The following ANHX variants were observed in gnomAD, a reference collection of about 807,000 sequenced individuals.
ANHX encodes the protein anomalous homeobox protein.
A neutral mutation model predicts 38.9 loss-of-function variants in ANHX; 20 were observed. That is an observed-to-expected ratio of 0.51 (90% confidence interval 0.36 to 0.75). The LOEUF is 0.75. Ranked by LOEUF, ANHX falls within the 30% of genes least tolerant of loss-of-function variation. The pLI is 0.00. For missense variants in ANHX, 475 were observed against 493.1 expected (o/e 0.96, Z 0.35); for synonymous variants, 185 against 203.1 (o/e 0.91, Z 0.76).
intron 7 of ANHX, among the ~76,000 whole-genome samples, chr12:133,222,710 C>G (rs1001477711): frequency 1.3e-5 from 2 of 152,170 alleles, no homozygotes; most frequent in Non-Finnish European, 2.9e-5. Context: ...TTCTTTCTGG[C>G]CCTGCATCAA....
Position 133,232,479 on chromosome 12 carries a change from C to T in ANHX, c.250-835G>A, listed in dbSNP as rs138299579. ...CTCGGCAGTGACCCCTCAGAGCCGA[C>T]GGCTCTGTGCCCCACTCTCCTCTCA... On this transcript the variant is annotated intron_variant, in intron 2 of 9. Transcript: ENST00000545940. Among the ~76,000 whole-genome samples the T allele has an allele frequency of 3.4e-3, 525 of 152,278 alleles. 1 individual carries two copies. The highest frequency in any genetic ancestry group is 0.011 in the African/African-American group (472 of 41,562).
intron 1 of ANHX, chr12:133,235,139 T>C (rs1593979860): frequency 6.6e-6 from 1 of 152,314 alleles, no homozygotes; most frequent in East Asian, 1.9e-4. Flanking sequence ...TCTAGCGCCA[T>C]CTCACCCGGG....
At position 133,227,937 on chromosome 12, in the gene ANHX, GC is replaced by G; in HGVS notation, c.387del (p.Ser132ProfsTer7). The G allele has an allele frequency of 1.8e-6, 1 of 545,688 alleles. No individual in the cohort carries two copies. The highest frequency in any genetic ancestry group is 2.4e-5 in the Admixed American group (1 of 41,884). 33.8% of individuals were successfully genotyped at this position (545,688 alleles called of 1,614,324 possible). A position where few individuals can be genotyped will look rare whatever the true frequency, so the allele number is the denominator to read the frequency against. ...QKFRCRKRNP[P>X]PPSLCPEGLK... is the part of the protein sequence containing the mutation. ...AGCCCCTCTGGGCAGAGGGAGGGGG[GC>G]GGGGGGTTCCTGGGTAAGGACAGTG... On this transcript the variant is annotated frameshift_variant, in exon 4 of 10. Transcript: ENST00000545940. LOFTEE classifies it high-confidence loss of function.
chr12:133,221,062 GT>G lies in ANHX; in HGVS notation c.1280+142del. 1.8e-6 allele frequency: 2 copies of G among 1,118,590 alleles called. No individual in the cohort carries two copies. The highest frequency in any genetic ancestry group is 1.6e-5 in the African/African-American group (1 of 62,942). The allele number at this position is 1,118,590 out of a possible 1,614,324, so 69.3% of individuals were successfully genotyped here. ...CCCTTTTCTTCATAGGTGTAGGCTT[GT>G]GGGGACTGTTACAGTTTTCAGCAAT... On this transcript the variant is annotated intron_variant, in intron 8 of 9. Transcript: ENST00000545940. This position sits in a 1 kb window ranked among gnomAD's most constrained non-coding sequence, Gnocchi z 4.1.
chr12:133,226,919 GC>G lies in ANHX; in HGVS notation c.718+16del. The G allele has an allele frequency of 6.7e-7, 1 of 1,491,754 alleles. No homozygotes were observed. The highest frequency in any genetic ancestry group is 8.9e-7 in the Non-Finnish European group (1 of 1,124,510). 92.4% of individuals were successfully genotyped at this position (1,491,754 alleles called of 1,614,324 possible). On this transcript the variant is annotated intron_variant, in intron 5 of 9. Coordinates refer to ENST00000545940, the MANE Select transcript of ANHX (RefSeq NM_001372060.1). ...GCTCCCCGACCACAAGGAGACTGGG[GC>G]CCTCAGGCCACTCACCTGACCACTG...
intron 4 of ANHX, 56 bp downstream of exon 4, chr12:133,227,768 G>A: frequency 6.5e-7 from 1 of 1,528,640 alleles, no homozygotes. Flanking sequence ...ACCCCTTGGG[G>A]GACAGGGAGG....
rs1462568146 is a variant in ANHX at position 133,231,676 on chromosome 12, C to A, written c.250-32G>T. 1.8e-5 allele frequency: 27 copies of A among 1,535,110 alleles called. No homozygotes were observed. The Admixed American group carries it at 4.9e-4, about 28-fold the overall frequency. ...AGAAGAGTGTACTGAGCCCTGGCCA[C>A]CTGCCCACCCTGGAGCACTGTTGGG... On this transcript the variant is annotated intron_variant, in intron 2 of 9. Transcript: ENST00000545940.
rs1292214142 is a variant in ANHX, at chr12:133,228,064, G to A, written c.378-117C>T. 4.0e-6 allele frequency: 5 copies of A among 1,234,594 alleles called. No homozygotes were observed. In the African/African-American group the frequency reaches 7.6e-5, roughly 19 times the overall value. 76.5% of individuals were successfully genotyped at this position (1,234,594 alleles called of 1,614,324 possible). On this transcript the variant is annotated intron_variant, in intron 3 of 9. Coordinates refer to ENST00000545940, the MANE Select transcript of ANHX (RefSeq NM_001372060.1). ...TCCTTCCCTGTGCCTCCTCCTGGGG[G>A]ATGCCTCTCTCTGCCTCCAGTTAGT...
intron 8 of ANHX, among the ~76,000 whole-genome samples, chr12:133,220,820 C>T (rs1371220865): frequency 1.3e-5 from 2 of 152,210 alleles, no homozygotes; most frequent in African/African-American, 2.4e-5. Flanking sequence ...CAAGTGCTCA[C>T]GGACGCTGTT....
chr12:133,231,838 C>T (rs970191163), intron 2 of ANHX, among the ~76,000 whole-genome samples, 194 bp from the exon 3 acceptor site: 5 of 152,304 alleles, frequency 3.3e-5, no homozygotes, highest in Non-Finnish European at 7.3e-5. Flanking sequence ...AGATGGCCCC[C>T]GCTCCATTCC....
At chr12:133,231,433 C>T in intron 3 of ANHX, 84 bp downstream of exon 3, 1 of 1,508,318 alleles carries the variant, frequency 6.6e-7, no homozygotes, top group Non-Finnish European at 8.9e-7. Flanking sequence ...CTCCACTTTG[C>T]TTCAGCCCCT....
At chr12:133,233,343 T>C (rs1434416994) in intron 2 of ANHX, among the ~76,000 whole-genome samples, 4 of 152,066 alleles carry the variant, frequency 2.6e-5, no homozygotes, top group Admixed American at 6.6e-5. Context: ...TGGTGAGGGG[T>C]TGGAAGGAAC....
At chr12:133,219,085 A>G in intron 9 of ANHX, 114 bp from the exon 10 acceptor site, 3 of 1,084,008 alleles carry the variant, frequency 2.8e-6, no homozygotes, top group Non-Finnish European at 4.0e-6. Context: ...GTCTGGACTC[A>G]GGAGGGAATG....
At chr12:133,231,712 G>T in intron 2 of ANHX, 68 bp from the exon 3 acceptor site, 1 of 1,517,004 alleles carries the variant, frequency 6.6e-7, no homozygotes, top group East Asian at 2.5e-5. Context: ...ACCTGCATCT[G>T]CCATCCCAAA....
intron 3 of ANHX, among the ~76,000 whole-genome samples, chr12:133,228,239 G>A (rs1957217364): frequency 6.6e-6 from 1 of 152,042 alleles, no homozygotes; most frequent in Non-Finnish European, 1.5e-5. Flanking sequence ...TGGCCCTCCT[G>A]GACATCCTCA....
At chr12:133,230,748 A>C (rs1369036549) in intron 3 of ANHX, among the ~76,000 whole-genome samples, 1 of 119,214 alleles carries the variant, frequency 8.4e-6, no homozygotes, top group Non-Finnish European at 1.7e-5. Context: ...GCAACAGAGC[A>C]AGACCCTGTC....
At chr12:133,226,563 G>C in intron 5 of ANHX, 125 bp from the exon 6 acceptor site, 4 of 1,352,182 alleles carry the variant, frequency 3.0e-6, no homozygotes, top group Non-Finnish European at 2.9e-6. Flanking sequence ...CAATGTTTTT[G>C]CTTCTTGTCC....
chr12:133,231,475 G>A (rs1957274150), intron 3 of ANHX, 42 bp downstream of exon 3: 3 of 1,535,136 alleles, frequency 2.0e-6, no homozygotes, highest in Non-Finnish European at 2.6e-6. Flanking sequence ...TAATCCCTTG[G>A]GATCCCCATG....
chr12:133,224,908 A>G (rs542612032), intron 7 of ANHX, among the ~76,000 whole-genome samples: 2 of 149,230 alleles, frequency 1.3e-5, no homozygotes, highest in Admixed American at 6.7e-5. Context: ...AGGAGGTTGC[A>G]GTGAGCCGAG....
Sources: allele counts gnomAD v4.1 joint callset (sites outside exome capture counted in the v4.1 genomes callset), GRCh38; gene constraint gnomAD v4.1.1; non-coding constraint Gnocchi (gnomAD v3.1); transcripts MANE v1.5; gene names NCBI Gene and HGNC (gene_info 2026-07-23, HGNC 2026-07-21).